PDXDC1: variants seen among roughly 807,000 people sequenced by gnomAD.
PDXDC1 encodes pyridoxal-dependent decarboxylase domain-containing protein 1.
Under a neutral mutation model 100.1 loss-of-function variants are expected in PDXDC1, and 42 were observed. That is an observed-to-expected ratio of 0.42 (90% CI 0.33 to 0.54). The LOEUF is 0.54. Among genes scored for constraint, PDXDC1 ranks in the 20% least tolerant of loss-of-function variants. The probability of loss-of-function intolerance (pLI) is 0.10; values close to 1 mark genes in which losing one functional copy is unlikely to be tolerated. For synonymous variants in PDXDC1, 260 were observed against 371.7 expected, an observed-to-expected ratio of 0.70 and a Z score of 3.46; for missense variants, 636 against 979.2, an observed-to-expected ratio of 0.65 and a Z score of 4.68.
At chr16:15,042,190 T>C (rs2043847186), downstream of PDXDC1, among the ~76,000 whole-genome samples, 2 of 149,760 alleles carry the variant, frequency 1.3e-5, no homozygotes, top group Admixed American at 1.3e-4. Flanking sequence ...TATATCTTTT[T>C]TTTTTTTTTT....
At chr16:15,142,654 C>T (rs2048492898), downstream of PDXDC1, among the ~76,000 whole-genome samples, 1 of 152,132 alleles carries the variant, frequency 6.6e-6, no homozygotes, top group Non-Finnish European at 1.5e-5. Flanking sequence ...CCCGCTTGCT[C>T]CCGTACTTTT....
chr16:15,150,210 G>A, the PDXDC1 span, among the ~76,000 whole-genome samples: 1 of 151,998 alleles, frequency 6.6e-6, no homozygotes. Flanking sequence ...TGGGCATGGT[G>A]GCGGGCACCA....
chr16:15,125,321 C>G, intron 16 of PDXDC1: 4 of 706,696 alleles, frequency 5.7e-6, no homozygotes, highest in Non-Finnish European at 2.4e-6. Flanking sequence ...GGCCAGCACA[C>G]CAGACTGCAG....
Position 15,095,804 on chromosome 16 carries a change from C to T in PDXDC1, c.1400-43075C>T, listed in dbSNP as rs192271783. ...GGCAGAGGTTGCAGTGAGCCAAGATCGTGCCATTGCACTCCAGCCTGGGTG... is the reference window on the plus strand; with the variant it reads ...GGCAGAGGTTGCAGTGAGCCAAGATTGTGCCATTGCACTCCAGCCTGGGTG... On this transcript the variant is annotated intron_variant, in intron 16 of 16. Transcript: ENST00000535621. 1.1e-3 allele frequency among the ~76,000 whole-genome samples: 172 copies of T among 149,688 alleles called. 1 individual carries two copies. Among genetic ancestry groups the T allele is most frequent in the African/African-American group, 4.1e-3 (167 of 40,728 alleles).
chr16:15,030,570 G>C (rs1426043770), intron 16 of PDXDC1, among the ~76,000 whole-genome samples: 1 of 70,354 alleles, frequency 1.4e-5, no homozygotes, highest in African/African-American at 3.8e-5. Flanking sequence ...AAAAAAAAAA[G>C]TCATCACATG....
chr16:15,039,924 G>GA (rs759452443), downstream of PDXDC1: 24 of 1,036,766 alleles, frequency 2.3e-5, no homozygotes, highest in Non-Finnish European at 3.5e-5. Flanking sequence ...GACATTTGAT[G>GA]CCTTTTTTTT....
chr16:15,126,206 T>A lies in PDXDC1; in HGVS notation c.1400-12673T>A, dbSNP rs934207574. On this transcript the variant is annotated intron_variant, in intron 16 of 16. Coordinates refer to the PDXDC1 transcript ENST00000535621. Reference sequence around the variant, plus strand: ...CCTGCCACGATGCCCAGCTGATTTTTTGTATTTTTAGTAGAGACGGGGTTT... The same window carrying A: ...CCTGCCACGATGCCCAGCTGATTTTATGTATTTTTAGTAGAGACGGGGTTT... Among the ~76,000 whole-genome samples, 18 of 150,958 alleles carry A rather than the reference T, an allele frequency of 1.2e-4. No homozygotes were observed. In the Admixed American group the frequency reaches 1.2e-3, roughly 10 times the overall value.
intron 16 of PDXDC1, chr16:15,086,192 C>T (rs1340936478): frequency 6.3e-7 from 1 of 1,591,394 alleles, no homozygotes; most frequent in South Asian, 1.1e-5. Context: ...TGTGCTGATA[C>T]AAGATTACCA....
intron 16 of PDXDC1, chr16:15,061,687 G>T: frequency 6.5e-7 from 1 of 1,539,768 alleles, no homozygotes; most frequent in Non-Finnish European, 8.9e-7. Flanking sequence ...GGGTGCTGAG[G>T]GCATGACAAG....
intron 16 of PDXDC1, chr16:15,134,960 C>A (rs2048279931): frequency 2.0e-5 from 8 of 402,348 alleles, no homozygotes; most frequent in South Asian, 1.7e-4. Flanking sequence ...ACCGGCCCAC[C>A]ACATCCAGCA....
chr16:15,094,497 G>A (rs946639030), intron 16 of PDXDC1: 10 of 540,364 alleles, frequency 1.9e-5, no homozygotes, highest in African/African-American at 1.8e-4. Context: ...TGAGGATCCC[G>A]AAGAAAGGGT....
chr16:15,044,504 T>G, intron 16 of PDXDC1: 1 of 818,254 alleles, frequency 1.2e-6, no homozygotes, highest in Non-Finnish European at 2.1e-6. Context: ...CATGAACACT[T>G]GCTCTACAGC....
intron 16 of PDXDC1, chr16:15,128,293 A>C (rs1236497271): frequency 2.5e-6 from 4 of 1,610,508 alleles, no homozygotes; most frequent in Non-Finnish European, 3.4e-6. Flanking sequence ...GAAGATGTCC[A>C]GGCTGTTGCG....
At chr16:15,045,114 ACT>A (rs1239807514) in intron 16 of PDXDC1, 1 of 130,624 alleles carries the variant, frequency 7.7e-6, no homozygotes, top group Admixed American at 8.6e-5. Context: ...ACAGAGTAAG[ACT>A]CTATCTCAAA....
chr16:15,038,278 A>C lies in PDXDC1; in HGVS notation c.*2003A>C. On this transcript the variant is annotated 3_prime_UTR_variant, in exon 23 of 23. Coordinates refer to ENST00000396410, the MANE Select transcript of PDXDC1 (RefSeq NM_015027.4). ...TGTCCCCTGCTGTGATAAAGATGTCAAAGTATCTTTGTTCTTGGACACAAA... is the reference window on the plus strand; with the variant it reads ...TGTCCCCTGCTGTGATAAAGATGTCCAAGTATCTTTGTTCTTGGACACAAA... 9.0e-7 allele frequency: 1 copy of C among 1,116,434 alleles called. No homozygotes were observed. Among genetic ancestry groups the C allele is most frequent in the South Asian group, 1.4e-5 (1 of 69,474 alleles). 69.2% of individuals were successfully genotyped at this position (1,116,434 alleles called of 1,614,324 possible). A position where few individuals can be genotyped will look rare whatever the true frequency, so the allele number is the denominator to read the frequency against.
chr16:15,131,120 G>T lies in PDXDC1; in HGVS notation c.1400-7759G>T, dbSNP rs745920228. ...AGCGTATAGTTGAGCTGCAGATGCA[G>T]CACGGCCGCAGGGTTGCTGCTGTCC... On this transcript the variant is annotated intron_variant, in intron 16 of 16. Coordinates refer to the PDXDC1 transcript ENST00000535621. The T allele has an allele frequency of 8.7e-6, 14 of 1,605,682 alleles. No individual in the cohort carries two copies. In the African/African-American group the frequency reaches 1.7e-4, roughly 20 times the overall value.
chr16:15,061,416 A>G lies in PDXDC1; in HGVS notation c.1399+31360A>G, dbSNP rs147908739. ...CAACCCGTAAAACAGTCTGCTGCCTATATTAGAAATTACCCAGTAATTGTG... is the reference window on the plus strand; with the variant it reads ...CAACCCGTAAAACAGTCTGCTGCCTGTATTAGAAATTACCCAGTAATTGTG... On this transcript the variant is annotated intron_variant, in intron 16 of 16. Transcript: ENST00000535621. 115 of 286,188 alleles carry G rather than the reference A, an allele frequency of 4.0e-4. No homozygotes were observed. In the East Asian group the frequency reaches 6.9e-3, roughly 17 times the overall value. The allele number at this position is 286,188 out of a possible 1,614,324, so 17.7% of individuals were successfully genotyped here.
intron 16 of PDXDC1, chr16:15,103,191 G>C: frequency 1.7e-6 from 1 of 584,118 alleles, no homozygotes. Flanking sequence ...CCTGGCAAGA[G>C]AGGAGGGCCA....
chr16:14,983,924 A>T (rs1388772085), intron 1 of PDXDC1, among the ~76,000 whole-genome samples: 5 of 152,242 alleles, frequency 3.3e-5, no homozygotes, highest in Admixed American at 2.6e-4. Flanking sequence ...ACACTTTGGG[A>T]GGCCAAGGAA....
Sources: allele counts gnomAD v4.1 joint callset (sites outside exome capture counted in the v4.1 genomes callset), GRCh38; gene constraint gnomAD v4.1.1; transcripts MANE v1.5; gene names NCBI Gene and HGNC (gene_info 2026-07-23, HGNC 2026-07-21).